PFKP: variants seen among roughly 807,000 people sequenced by gnomAD.
PFKP encodes the protein ATP-dependent 6-phosphofructokinase, platelet type.
PFKP carries 101 observed loss-of-function variants against 94.3 expected under a neutral mutation model. The ratio of observed to expected loss-of-function variants is 1.07; its 90% CI spans 0.91 to 1.26. The LOEUF is 1.26. Among genes scored for constraint, PFKP ranks in the 50% most tolerant of loss-of-function variants. The pLI is 0.00. For synonymous variants in PFKP, 573 were observed against 432.6 expected (o/e 1.32, Z -4.03); for missense variants, 1,145 against 1,103.3 (o/e 1.04, Z -0.53).
At chr10:3,088,720 T>C (rs1833821741) in intron 2 of PFKP, among the ~76,000 whole-genome samples, 1 of 152,220 alleles carries the variant, frequency 6.6e-6, no homozygotes, top group Non-Finnish European at 1.5e-5. Flanking sequence ...ATTTATTTTA[T>C]TGAAGTAAAA....
intron 16 of PFKP, among the ~76,000 whole-genome samples, chr10:3,125,477 C>A (rs1263315774): frequency 6.6e-6 from 1 of 152,154 alleles, no homozygotes; most frequent in Non-Finnish European, 1.5e-5. Context: ...TCCTTGGGAT[C>A]GTGTTTCTAT....
chr10:3,087,271 G>GCTTT (rs1336610924), intron 2 of PFKP, among the ~76,000 whole-genome samples: 4 of 152,178 alleles, frequency 2.6e-5, no homozygotes, highest in Non-Finnish European at 5.9e-5. Context: ...GAGGCCCTGG[G>GCTTT]CTTTCTTGGG....
rs368208927 is a variant in PFKP at position 3,068,628 on chromosome 10, T to C, written c.112+921T>C. ...CGGACGCGGGCGCGCCGGGAGGATATTTAACATTGAAGAGCGGAAGGTGGC... is the reference window on the plus strand; with the variant it reads ...CGGACGCGGGCGCGCCGGGAGGATACTTAACATTGAAGAGCGGAAGGTGGC... On this transcript the variant is annotated intron_variant, in intron 1 of 21. Transcript: ENST00000381125. The C allele has an allele frequency of 6.1e-6, 6 of 982,556 alleles. No homozygotes were observed. In the East Asian group the frequency reaches 3.4e-4, roughly 56 times the overall value. The allele number at this position is 982,556 out of a possible 1,614,324, so 60.9% of individuals were successfully genotyped here.
At position 3,121,581 on chromosome 10, in the gene PFKP, G is replaced by GTT. The variant is rs10528387; in HGVS notation, c.1683+1554_1683+1555dup. On this transcript the variant is annotated intron_variant, in intron 16 of 21. Coordinates refer to ENST00000381125, the MANE Select transcript of PFKP (RefSeq NM_002627.5). ...CCAGGGTCCTCTGCTATAAATAACT[G>GTT]TTTTTTTTTTTTTTTTTTCAGATTG... Among the ~76,000 whole-genome samples the GTT allele has an allele frequency of 4.0e-3, 528 of 133,046 alleles. 5 individuals are homozygous for GTT. Among genetic ancestry groups the GTT allele is most frequent in the East Asian group, 0.015 (66 of 4,390 alleles). 87.3% of individuals were successfully genotyped at this position (133,046 alleles called of 152,430 possible).
intron 17 of PFKP, among the ~76,000 whole-genome samples, 161 bp from the exon 18 acceptor site, chr10:3,132,219 A>AT (rs1254395716): frequency 2.0e-5 from 3 of 152,068 alleles, no homozygotes; most frequent in Non-Finnish European, 4.4e-5. Context: ...TGTCCTCCCT[A>AT]TCTGGGAGGA....
intron 16 of PFKP, among the ~76,000 whole-genome samples, chr10:3,126,455 T>G (rs564816290): frequency 4.6e-5 from 7 of 152,228 alleles, no homozygotes; most frequent in Non-Finnish European, 1.0e-4. Flanking sequence ...ACCTTGTAGA[T>G]GTCCATGCAC....
In PFKP at chr10:3,069,211, C is replaced by A. The variant is rs1371422216; in HGVS notation, c.112+1504C>A. On this transcript the variant is annotated intron_variant, in intron 1 of 21. Transcript: ENST00000381125. ...CCCGCAGCCCGCCCTGCAGCGCCCC[C>A]GGGAAGTGCTCTGGCGTTAGCATTC... The A allele has an allele frequency of 3.1e-6, 4 of 1,311,216 alleles. No homozygotes were observed. In the South Asian group the frequency reaches 6.8e-5, roughly 22 times the overall value. 81.2% of individuals were successfully genotyped at this position (1,311,216 alleles called of 1,614,324 possible). A position where few individuals can be genotyped will look rare whatever the true frequency, so the allele number is the denominator to read the frequency against.
rs117408702 is a variant in PFKP, at chr10:3,100,521, C to G, written c.265-844C>G. On this transcript the variant is annotated intron_variant, in intron 3 of 21. Coordinates refer to ENST00000381125, the MANE Select transcript of PFKP (RefSeq NM_002627.5). ...CTGTGTGCGTGCACCATTGGTGTAT[C>G]GAAACACGCACTCACGTCACTGCAG... Among the ~76,000 whole-genome samples the G allele has an allele frequency of 3.6e-3, 541 of 152,194 alleles. 10 individuals are homozygous for G. The East Asian group carries it at 0.055, about 15-fold the overall frequency.
chr10:3,103,200 C>T (rs1447657873), intron 4 of PFKP, among the ~76,000 whole-genome samples: 1 of 152,236 alleles, frequency 6.6e-6, no homozygotes, highest in Non-Finnish European at 1.5e-5. Context: ...TGTTTGTTTA[C>T]CGATTGCAAA....
chr10:3,079,293 G>A (rs1374456262), intron 1 of PFKP, among the ~76,000 whole-genome samples: 1 of 151,730 alleles, frequency 6.6e-6, no homozygotes, highest in Non-Finnish European at 1.5e-5. Context: ...GGAGTGCAGT[G>A]GCATGATCTC....
At chr10:3,082,863 C>A (rs1833196200) in intron 2 of PFKP, among the ~76,000 whole-genome samples, 1 of 152,144 alleles carries the variant, frequency 6.6e-6, no homozygotes, top group Non-Finnish European at 1.5e-5. Flanking sequence ...AGGTGCCCAC[C>A]ACCACACCCA....
intron 20 of PFKP, 58 bp downstream of exon 20, chr10:3,134,640 GAAAATGCTGTCCTATCGGGGAGAAGT>G: frequency 9.1e-7 from 1 of 1,097,518 alleles, no homozygotes; most frequent in South Asian, 1.2e-5. Context: ...CTGCCTTGGT[GAAAATGCTGTCCTATCGGGGAGAAGT>G]AGGGTGCTGG....
At chr10:3,073,891 G>A (rs1832387464) in intron 1 of PFKP, among the ~76,000 whole-genome samples, 1 of 152,124 alleles carries the variant, frequency 6.6e-6, no homozygotes, top group Non-Finnish European at 1.5e-5. Flanking sequence ...AGCCTGGAGT[G>A]CAGTGGCTTG....
intron 1 of PFKP, chr10:3,069,377 C>A: frequency 6.3e-7 from 1 of 1,588,616 alleles, no homozygotes; most frequent in East Asian, 2.3e-5. Context: ...TAAACCGGCC[C>A]GGAGATGTGC....
In PFKP at chr10:3,108,037, G is replaced by A. The variant is rs1438901097; in HGVS notation, c.871-664G>A. The A allele has an allele frequency of 7.8e-6, 10 of 1,285,532 alleles. No homozygotes were observed. In the East Asian group the frequency reaches 5.0e-4, roughly 64 times the overall value. 79.6% of individuals were successfully genotyped at this position (1,285,532 alleles called of 1,614,324 possible). ...AGGAGCAAAGCATATCTCTGGATAT[G>A]AAAACAGTGATGGACACCTGGGAAA... On this transcript the variant is annotated intron_variant, in intron 8 of 21. Coordinates refer to ENST00000381125, the MANE Select transcript of PFKP (RefSeq NM_002627.5).
At chr10:3,100,653 C>G (rs551555855) in intron 3 of PFKP, among the ~76,000 whole-genome samples, 1 of 152,190 alleles carries the variant, frequency 6.6e-6, no homozygotes, top group South Asian at 2.1e-4. Context: ...AAAGTCAGCA[C>G]GCGCTTAGGG....
intron 2 of PFKP, among the ~76,000 whole-genome samples, chr10:3,084,278 T>TGCTGTGTGCC (rs1313423909): frequency 1.3e-5 from 2 of 152,220 alleles, no homozygotes; most frequent in East Asian, 1.9e-4. Flanking sequence ...CCCATGATGA[T>TGCTGTGTGCC]GCTGTGTGCC....
At chr10:3,110,365 A>ATTTTTTTTTT (rs57980780) in intron 10 of PFKP, among the ~76,000 whole-genome samples, 2,986 of 91,608 alleles carry the variant, frequency 0.033, no homozygotes, top group Non-Finnish European at 0.045. Context: ...CGCCTGGCTA[A>ATTTTTTTTTT]TTTTTTTTTT....
chr10:3,135,940 G>GACA, intron 21 of PFKP, 102 bp downstream of exon 21: 1 of 729,794 alleles, frequency 1.4e-6, no homozygotes, highest in South Asian at 1.7e-5. Context: ...AGGGGTTTGA[G>GACA]GAACTGGCTT....
Sources: gnomAD v4.1 joint callset for allele counts (sites outside exome capture counted in the v4.1 genomes callset) on GRCh38, gnomAD v4.1.1 for gene constraint, MANE v1.5 for transcripts, NCBI Gene and HGNC (gene_info 2026-07-23, HGNC 2026-07-21) for gene names.